The following F5 variants were observed in gnomAD, a reference collection of about 807,000 sequenced individuals.
The protein encoded by F5 is coagulation factor V, also known as activated protein c cofactor.
A neutral mutation model predicts 216.4 loss-of-function variants in F5; 138 were observed. That is an observed-to-expected ratio of 0.64 (90% confidence interval 0.56 to 0.73). The LOEUF is 0.73. F5 is among the 30% of genes least tolerant of loss of function. The pLI is 0.00. For synonymous variants in F5, 916 were observed against 930.7 expected, an observed-to-expected ratio of 0.98 and a Z score of 0.29; for missense variants, 2,403 against 2,674.0, an observed-to-expected ratio of 0.90 and a Z score of 2.24.
At chr1:169,529,919 T>C in intron 15 of F5, 101 bp from the exon 16 acceptor site, 1 of 924,930 alleles carries the variant, frequency 1.1e-6, no homozygotes, top group Non-Finnish European at 1.7e-6. Context: ...TGATAGGCTC[T>C]GAATTTGAAG....
intron 7 of F5, among the ~76,000 whole-genome samples, chr1:169,554,229 C>T (rs1660257887): frequency 1.1e-5 from 1 of 88,864 alleles, no homozygotes; most frequent in East Asian, 2.1e-4. Flanking sequence ...TCCAGAATAC[C>T]TTTATGTCTT....
chr1:169,514,149 A>T lies in F5; in HGVS notation c.*164T>A. ...ATTATCTTACTTACTGGTAGCAAGGAGTTACATTATAAAAGCTTCTTGTAT... is the reference window on the plus strand; with the variant it reads ...ATTATCTTACTTACTGGTAGCAAGGTGTTACATTATAAAAGCTTCTTGTAT... On this transcript the variant is annotated 3_prime_UTR_variant, in exon 25 of 25. Transcript: ENST00000367797. 1.5e-6 allele frequency: 1 copy of T among 664,200 alleles called. No homozygotes were observed. The allele number at this position is 664,200 out of a possible 1,614,324, so 41.1% of individuals were successfully genotyped here.
At position 169,520,785 on chromosome 1, in the gene F5, T is replaced by C. The variant is rs1659281869; in HGVS notation, c.6049-121A>G. 2.1e-5 allele frequency: 18 copies of C among 841,648 alleles called. 1 individual carries two copies. The South Asian group carries it at 2.9e-4, about 13-fold the overall frequency. The allele number at this position is 841,648 out of a possible 1,614,324, so 52.1% of individuals were successfully genotyped here. ...TTTCATGGGGTCCAAACTAAATCAATTTGGTTATAAAATATACTTGGGGAT... is the reference window on the plus strand; with the variant it reads ...TTTCATGGGGTCCAAACTAAATCAACTTGGTTATAAAATATACTTGGGGAT... On this transcript the variant is annotated intron_variant, in intron 21 of 24. Coordinates refer to ENST00000367797, the MANE Select transcript of F5 (RefSeq NM_000130.5).
At chr1:169,516,228 A>G (rs562743607) in intron 23 of F5, among the ~76,000 whole-genome samples, 204 of 152,208 alleles carry the variant, frequency 1.3e-3, no homozygotes, top group Non-Finnish European at 2.6e-3. Flanking sequence ...TGATAAAACC[A>G]TAAGTAGAGC....
At position 169,550,142 on chromosome 1, in the gene F5, A is replaced by T. The variant is rs560734576; in HGVS notation, c.1397-127T>A. 8.4e-4 allele frequency: 651 copies of T among 777,542 alleles called. 1 individual carries two copies. The highest frequency in any genetic ancestry group is 1.1e-3 in the Non-Finnish European group (546 of 478,234). 48.2% of individuals were successfully genotyped at this position (777,542 alleles called of 1,614,324 possible). On this transcript the variant is annotated intron_variant, in intron 9 of 24. Coordinates refer to ENST00000367797, the MANE Select transcript of F5 (RefSeq NM_000130.5). ...GAATTCTTTTATTTTTATTTTTTTTAAATTATACTTTAAGTTCTAGGGTAC... is the reference window on the plus strand; with the variant it reads ...GAATTCTTTTATTTTTATTTTTTTTTAATTATACTTTAAGTTCTAGGGTAC...
intron 3 of F5, among the ~76,000 whole-genome samples, chr1:169,568,080 A>G (rs766430808): frequency 6.6e-6 from 1 of 152,168 alleles, no homozygotes; most frequent in African/African-American, 2.4e-5. Flanking sequence ...ACTTGTGTAC[A>G]TGATATTTTG....
At chr1:169,563,414 T>C (rs752216803) in intron 3 of F5, among the ~76,000 whole-genome samples, 7 of 152,226 alleles carry the variant, frequency 4.6e-5, no homozygotes, top group Non-Finnish European at 8.8e-5. Context: ...AAATACTTTT[T>C]CTGTTCCTGC....
chr1:169,582,097 T>G (rs1661000600), intron 2 of F5, among the ~76,000 whole-genome samples: 2 of 152,202 alleles, frequency 1.3e-5, no homozygotes, highest in South Asian at 2.1e-4. Context: ...ATTCAAACAC[T>G]TATAAGTTTT....
chr1:169,512,804 G>A lies in F5; in HGVS notation c.*1509C>T, dbSNP rs1454164921. Among the ~76,000 whole-genome samples, 1 of 152,068 alleles carries A rather than the reference G, an allele frequency of 6.6e-6. No homozygotes were observed. Among genetic ancestry groups the A allele is most frequent in the African/African-American group, 2.4e-5 (1 of 41,428 alleles). ...CTGGTATGGGCAACAGGTAACTCTG[G>A]TAGTTTCTAAAGATGCTCCCAGTGA... On this transcript the variant is annotated 3_prime_UTR_variant, in exon 25 of 25. Coordinates refer to ENST00000367797, the MANE Select transcript of F5 (RefSeq NM_000130.5).
At chr1:169,550,136 T>A (rs1660128134) in intron 9 of F5, 121 bp from the exon 10 acceptor site, 12 of 814,232 alleles carry the variant, frequency 1.5e-5, no homozygotes, top group Non-Finnish European at 2.4e-5. Context: ...TATTTTTATT[T>A]TTTTTAAATT....
intron 3 of F5, among the ~76,000 whole-genome samples, chr1:169,568,276 G>C (rs1271974962): frequency 6.6e-6 from 1 of 152,110 alleles, no homozygotes; most frequent in African/African-American, 2.4e-5. Context: ...TCTTGAAACA[G>C]TGAATGATAT....
At chr1:169,548,544 C>T (rs1029984265) in intron 10 of F5, among the ~76,000 whole-genome samples, 3 of 152,000 alleles carry the variant, frequency 2.0e-5, no homozygotes, top group African/African-American at 7.3e-5. Context: ...CAAAAGCAAA[C>T]AGAACAGATA....
At chr1:169,550,298 C>G (rs865808773) in intron 9 of F5, among the ~76,000 whole-genome samples, 71 of 134,508 alleles carry the variant, frequency 5.3e-4, no homozygotes, top group African/African-American at 1.3e-3. Context: ...ACCCCCCCCC[C>G]CCGACAGGCC....
chr1:169,571,831 T>A (rs1660730521), intron 3 of F5, among the ~76,000 whole-genome samples: 1 of 152,178 alleles, frequency 6.6e-6, no homozygotes, highest in Admixed American at 6.6e-5. Flanking sequence ...GTTGAGTACT[T>A]GCAACAGAGA....
At chr1:169,566,675 C>T (rs1660606153) in intron 3 of F5, among the ~76,000 whole-genome samples, 1 of 151,588 alleles carries the variant, frequency 6.6e-6, no homozygotes, top group South Asian at 2.1e-4. Flanking sequence ...TCTTGAAGTC[C>T]CTTTAACCTC....
intron 5 of F5, 67 bp downstream of exon 5, chr1:169,559,086 A>G: frequency 6.3e-7 from 1 of 1,580,852 alleles, no homozygotes; most frequent in Non-Finnish European, 8.7e-7. Flanking sequence ...AGTGCTTTGA[A>G]GAAAACAGGA....
chr1:169,542,204 A>C lies in F5; in HGVS notation c.2886T>G (p.Thr962=). 6.2e-7 allele frequency: 1 copy of C among 1,614,074 alleles called. No individual in the cohort carries two copies. The highest frequency in any genetic ancestry group is 8.5e-7 in the Non-Finnish European group (1 of 1,179,980). ...AATTGTTAACAGCTGTGTCTTCATC[A>C]GTATCTTGGATTATTTCATAGCTAC... ...EKGSYEIIQD[T]DEDTAVNNWL... is the part of the protein sequence containing the mutation. Residue 962 remains threonine (T), a synonymous_variant, in exon 13 of 25, where the codon ACT becomes ACG. Transcript: ENST00000367797.
rs758463065 is a variant in F5, at chr1:169,556,529, G to A, written c.952+117C>T. On this transcript the variant is annotated intron_variant, in intron 6 of 24. Transcript: ENST00000367797. ...TATCTAAGTTTGGTTGTTAGGAACT[G>A]AGGAAAGTTTGTCTGCGGTGCAGGT... 4.0e-4 allele frequency: 376 copies of A among 937,080 alleles called. 2 individuals are homozygous for A. The highest frequency in any genetic ancestry group is 5.8e-4 in the Non-Finnish European group (342 of 592,522). 58.0% of individuals were successfully genotyped at this position (937,080 alleles called of 1,614,324 possible). A position where few individuals can be genotyped will look rare whatever the true frequency, so the allele number is the denominator to read the frequency against.
At chr1:169,559,005 T>C (rs1221994820) in intron 5 of F5, 148 bp downstream of exon 5, 1 of 621,210 alleles carries the variant, frequency 1.6e-6, no homozygotes. Context: ...ATTTCCTGTT[T>C]AAAAAAAAAA....
Sources: allele counts gnomAD v4.1 joint callset (sites outside exome capture counted in the v4.1 genomes callset), GRCh38; gene constraint gnomAD v4.1.1; transcripts MANE v1.5; gene names NCBI Gene and HGNC (gene_info 2026-07-23, HGNC 2026-07-21).